Variants in BRINP3 observed in about 807,000 individuals in gnomAD.
The protein encoded by BRINP3 is BMP/retinoic acid inducible neural specific 3.
Under a neutral mutation model 71.0 loss-of-function variants are expected in BRINP3, and 19 were observed. The ratio of observed to expected loss-of-function variants is 0.27; its 90% CI spans 0.19 to 0.39. The LOEUF (loss-of-function observed/expected upper bound fraction) is 0.39, where lower values mean the gene tolerates loss of function less well. Among genes scored for constraint, BRINP3 ranks in the 10% least tolerant of loss-of-function variants. The pLI is 1.00. For synonymous variants in BRINP3, 380 were observed against 337.7 expected (o/e 1.13, Z -1.37); for missense variants, 959 against 940.8 (o/e 1.02, Z -0.25).
chr1:190,114,983 A>C (rs1177303773), intron 7 of BRINP3, among the ~76,000 whole-genome samples: 1 of 151,948 alleles, frequency 6.6e-6, no homozygotes, highest in Non-Finnish European at 1.5e-5. Context: ...ATATCTGGCC[A>C]CTGTAGCCCT....
intron 2 of BRINP3, among the ~76,000 whole-genome samples, chr1:190,289,493 T>C (rs2102961784): frequency 6.6e-6 from 1 of 152,050 alleles, no homozygotes; most frequent in African/African-American, 2.4e-5. Context: ...AGAAAAAGTA[T>C]AAACTTAAGT....
intron 6 of BRINP3, among the ~76,000 whole-genome samples, chr1:190,168,475 T>C (rs568863519): frequency 1.3e-5 from 2 of 152,178 alleles, no homozygotes; most frequent in Non-Finnish European, 2.9e-5. Flanking sequence ...ATAAATTCAA[T>C]TTCTCCTATA....
chr1:190,316,317 G>A (rs1033759635), intron 2 of BRINP3, among the ~76,000 whole-genome samples: 8 of 152,034 alleles, frequency 5.3e-5, no homozygotes, highest in African/African-American at 1.9e-4. Context: ...AGAAATCTGA[G>A]GCACTAAGAA....
chr1:190,322,519 T>C (rs1453595793), intron 2 of BRINP3, among the ~76,000 whole-genome samples: 4 of 151,836 alleles, frequency 2.6e-5, no homozygotes, highest in Non-Finnish European at 4.4e-5. Context: ...GAAGAAAAAG[T>C]GCGGCTGAGA....
chr1:190,255,884 T>A lies in BRINP3; in HGVS notation c.618+8981A>T, dbSNP rs531450588. ...TTAATTGTGGATTTTAGATCTTTCC[T>A]GCTTTCTCTTGTGAGTATTTAGTGC... On this transcript the variant is annotated intron_variant, in intron 4 of 7. Transcript: ENST00000367462. 2.0e-5 allele frequency among the ~76,000 whole-genome samples: 3 copies of A among 152,292 alleles called. No individual in the cohort carries two copies. The East Asian group carries it at 5.8e-4, about 29-fold the overall frequency.
chr1:190,448,063 T>G (rs1675346334), intron 2 of BRINP3, among the ~76,000 whole-genome samples: 1 of 151,752 alleles, frequency 6.6e-6, no homozygotes, highest in Non-Finnish European at 1.5e-5. Context: ...TTTTAAATTT[T>G]TATGTGTTTT....
At chr1:190,476,718 C>G (rs1677526345) in intron 1 of BRINP3, among the ~76,000 whole-genome samples, 1 of 152,110 alleles carries the variant, frequency 6.6e-6, no homozygotes. Context: ...CTGATTGCTC[C>G]TCTCTGAAAT....
intron 7 of BRINP3, among the ~76,000 whole-genome samples, chr1:190,149,006 A>C (rs1656157905): frequency 6.6e-6 from 1 of 152,188 alleles, no homozygotes; most frequent in Admixed American, 6.6e-5. Context: ...GTAGTTGAGT[A>C]ATCTTGCTTA....
chr1:190,167,453 CAA>C (rs955705712), intron 6 of BRINP3, among the ~76,000 whole-genome samples: 11 of 152,014 alleles, frequency 7.2e-5, no homozygotes, highest in African/African-American at 2.7e-4. Context: ...ATGAAAAATT[CAA>C]AGACTGTGGG....
chr1:190,125,336 T>G (rs1654000135), intron 7 of BRINP3, among the ~76,000 whole-genome samples: 1 of 151,258 alleles, frequency 6.6e-6, no homozygotes, highest in African/African-American at 2.4e-5. Flanking sequence ...ATTACATATA[T>G]ACACATATAT....
chr1:190,257,191 A>G (rs1660741106), intron 4 of BRINP3, among the ~76,000 whole-genome samples: 1 of 151,750 alleles, frequency 6.6e-6, no homozygotes, highest in African/African-American at 2.4e-5. Context: ...GTTTCTTTTT[A>G]CTCTTTTTTC....
intron 2 of BRINP3, among the ~76,000 whole-genome samples, chr1:190,419,324 A>G (rs1673208391): frequency 6.6e-6 from 1 of 152,104 alleles, no homozygotes; most frequent in Admixed American, 6.6e-5. Flanking sequence ...TAAATACAGC[A>G]TGTCTCTTTT....
chr1:190,324,108 A>G (rs1207295364), intron 2 of BRINP3, among the ~76,000 whole-genome samples: 1 of 151,960 alleles, frequency 6.6e-6, no homozygotes, highest in Admixed American at 6.6e-5. Context: ...CATTTTGAAG[A>G]AATTTCTAGA....
chr1:190,170,099 C>G (rs1160281832), intron 6 of BRINP3, among the ~76,000 whole-genome samples: 1 of 152,074 alleles, frequency 6.6e-6, no homozygotes, highest in East Asian at 1.9e-4. Context: ...TTATTCCCTA[C>G]ACTTAAAGAG....
intron 6 of BRINP3, among the ~76,000 whole-genome samples, chr1:190,187,849 C>T (rs76689722): frequency 0.031 from 4,691 of 151,168 alleles, 315 homozygotes; most frequent in East Asian, 0.23. Flanking sequence ...CTCAGGATTG[C>T]TTTGGCTATT....
chr1:190,470,715 CAATT>C (rs1345466415), intron 1 of BRINP3, among the ~76,000 whole-genome samples: 3 of 151,048 alleles, frequency 2.0e-5, no homozygotes, highest in South Asian at 2.1e-4. Context: ...TTCACCATCT[CAATT>C]GATACAATCA....
At chr1:190,369,522 GA>G (rs1179027654) in intron 2 of BRINP3, among the ~76,000 whole-genome samples, 3 of 151,952 alleles carry the variant, frequency 2.0e-5, no homozygotes, top group African/African-American at 4.8e-5. Context: ...AAAAATTTTA[GA>G]ATATTGAAAA....
intron 2 of BRINP3, among the ~76,000 whole-genome samples, chr1:190,406,818 A>T (rs960214834): frequency 7.9e-5 from 12 of 152,198 alleles, no homozygotes; most frequent in Admixed American, 2.0e-4. Context: ...TTAATAATGA[A>T]TTTAGTTACC....
chr1:190,397,486 T>C (rs911332106), intron 2 of BRINP3, among the ~76,000 whole-genome samples: 2 of 151,982 alleles, frequency 1.3e-5, no homozygotes, highest in Non-Finnish European at 2.9e-5. Context: ...CCCTTAATTA[T>C]CCTTTACTCC....
Sources: allele counts gnomAD v4.1 joint callset (sites outside exome capture counted in the v4.1 genomes callset), GRCh38; gene constraint gnomAD v4.1.1; transcripts MANE v1.5; gene names NCBI Gene and HGNC (gene_info 2026-07-23, HGNC 2026-07-21).